The following IQSEC1 variants were observed in gnomAD, a reference collection of about 807,000 sequenced individuals.
IQSEC1 encodes IQ motif and SEC7 domain-containing protein 1.
In IQSEC1, 31 loss-of-function variants were observed where a neutral mutation model predicts 91.0. The ratio of observed to expected loss-of-function variants is 0.34; its 90% confidence interval spans 0.26 to 0.46. The LOEUF is 0.46. Ranked by LOEUF, IQSEC1 falls within the 20% of genes least tolerant of loss-of-function variation. The pLI is 1.00. For synonymous variants in IQSEC1, 699 were observed against 662.6 expected, an observed-to-expected ratio of 1.05 and a Z score of -0.84; for missense variants, 1,388 against 1,575.6, an observed-to-expected ratio of 0.88 and a Z score of 2.02.
At chr3:12,989,783 C>T (rs1345238554) in intron 1 of IQSEC1, among the ~76,000 whole-genome samples, 1 of 152,152 alleles carries the variant, frequency 6.6e-6, no homozygotes, top group Non-Finnish European at 1.5e-5. Flanking sequence ...CTTCCAAACT[C>T]GCAGCCCCCA....
chr3:12,984,264 G>A (rs180811815), intron 1 of IQSEC1, among the ~76,000 whole-genome samples: 2 of 152,182 alleles, frequency 1.3e-5, no homozygotes, highest in Non-Finnish European at 2.9e-5. Flanking sequence ...GGAGGACCAC[G>A]GGGAGATAGG....
intron 2 of IQSEC1, among the ~76,000 whole-genome samples, chr3:13,158,174 G>A (rs1356188917): frequency 6.6e-6 from 1 of 152,196 alleles, no homozygotes; most frequent in Non-Finnish European, 1.5e-5. Context: ...CCTCAGTCCA[G>A]CACCTCCAAA....
chr3:13,243,462 G>C (rs1486195872), intron 1 of IQSEC1, among the ~76,000 whole-genome samples: 1 of 152,234 alleles, frequency 6.6e-6, no homozygotes, highest in Non-Finnish European at 1.5e-5. Context: ...ACTGCAGACA[G>C]ACCCTTCTGG....
intron 1 of IQSEC1, among the ~76,000 whole-genome samples, chr3:12,987,415 C>G (rs554375091): frequency 6.6e-6 from 1 of 152,132 alleles, no homozygotes; most frequent in Non-Finnish European, 1.5e-5. Flanking sequence ...CACCTGGGGC[C>G]GTGCATGTGC....
intron 1 of IQSEC1, among the ~76,000 whole-genome samples, chr3:13,053,863 T>G (rs552847559): frequency 6.6e-6 from 1 of 152,186 alleles, no homozygotes; most frequent in Admixed American, 6.5e-5. Context: ...AAAATAACAG[T>G]GAAACACAAC....
chr3:12,935,088 C>A lies in IQSEC1; in HGVS notation c.1568+360G>T, dbSNP rs1698047558. Reference sequence around the variant, plus strand: ...CAAAGGCCTTTGTGTCCCACATCACCCCTAGGCCTGACATCCAAAGTTGCG... The same window carrying A: ...CAAAGGCCTTTGTGTCCCACATCACACCTAGGCCTGACATCCAAAGTTGCG... On this transcript the variant is annotated intron_variant, in intron 3 of 13. Transcript: ENST00000613206. This position sits in a 1 kb window ranked among gnomAD's most constrained non-coding sequence, Gnocchi z 8.0. 6.6e-6 allele frequency among the ~76,000 whole-genome samples: 1 copy of A among 152,220 alleles called. No homozygotes were observed. Among genetic ancestry groups the A allele is most frequent in the Non-Finnish European group, 1.5e-5 (1 of 68,048 alleles).
At chr3:13,136,137 T>C (rs1352177114) in intron 2 of IQSEC1, among the ~76,000 whole-genome samples, 1 of 152,092 alleles carries the variant, frequency 6.6e-6, no homozygotes, top group Admixed American at 6.5e-5. Context: ...AGACACAGAA[T>C]AGAAACTTGG....
At chr3:12,926,466 G>C (rs2125228361) in intron 3 of IQSEC1, among the ~76,000 whole-genome samples, 1 of 152,380 alleles carries the variant, frequency 6.6e-6, no homozygotes, top group African/African-American at 2.4e-5. Context: ...ATGTCCCCTT[G>C]GACGGAGTCC....
At chr3:13,249,750 G>A (rs1378575976) in intron 1 of IQSEC1, among the ~76,000 whole-genome samples, 2 of 152,170 alleles carry the variant, frequency 1.3e-5, no homozygotes, top group Non-Finnish European at 2.9e-5. Context: ...TGAGATGGAT[G>A]GGCACAAGCA....
At chr3:12,993,350 G>C (rs1442862955) in intron 1 of IQSEC1, among the ~76,000 whole-genome samples, 5 of 152,158 alleles carry the variant, frequency 3.3e-5, no homozygotes, top group East Asian at 1.9e-4. Flanking sequence ...CCCTCCCAAG[G>C]CGCGTCCGTG....
At chr3:13,006,881 G>A (rs1026050881) in intron 1 of IQSEC1, among the ~76,000 whole-genome samples, 39 of 152,360 alleles carry the variant, frequency 2.6e-4, no homozygotes, top group Non-Finnish European at 5.3e-4. Flanking sequence ...CCTGGGGTCT[G>A]TGCTCTGGGC....
intron 2 of IQSEC1, among the ~76,000 whole-genome samples, chr3:13,101,424 A>AAAAAAAAAAAAAAAAAAAAAG: frequency 6.6e-6 from 1 of 151,782 alleles, no homozygotes; most frequent in African/African-American, 2.4e-5. Flanking sequence ...ATCTCCAAAA[A>AAAAAAAAAAAAAAAAAAAAAG]AAAAAAAAAT....
intron 1 of IQSEC1, chr3:13,053,110 T>C: frequency 1.1e-6 from 1 of 896,832 alleles, no homozygotes. Flanking sequence ...CTGAAAGTCT[T>C]GTGAGAAGAC....
At position 12,899,255 on chromosome 3, in the gene IQSEC1, C is replaced by A; in HGVS notation, c.*1728G>T. 1.0e-6 allele frequency: 1 copy of A among 974,100 alleles called. No homozygotes were observed. Among genetic ancestry groups the A allele is most frequent in the South Asian group, 1.6e-5 (1 of 61,946 alleles). 60.3% of individuals were successfully genotyped at this position (974,100 alleles called of 1,614,324 possible). ...AGAGGGGGCTCCCCTCTCCTCCTGCCGTCCGGCCACGGCTCACCACGCTGT... is the reference window on the plus strand; with the variant it reads ...AGAGGGGGCTCCCCTCTCCTCCTGCAGTCCGGCCACGGCTCACCACGCTGT... On this transcript the variant is annotated 3_prime_UTR_variant, in exon 14 of 14. Coordinates refer to ENST00000613206, the MANE Select transcript of IQSEC1 (RefSeq NM_001134382.3).
At chr3:12,927,666 G>A (rs747225634) in intron 3 of IQSEC1, among the ~76,000 whole-genome samples, 31 of 152,254 alleles carry the variant, frequency 2.0e-4, no homozygotes, top group Non-Finnish European at 4.4e-5. Context: ...GGTGCTGTGG[G>A]AAGCGGGCAC....
chr3:13,133,513 C>T (rs1442910172), intron 2 of IQSEC1, among the ~76,000 whole-genome samples: 1 of 152,220 alleles, frequency 6.6e-6, no homozygotes, highest in East Asian at 1.9e-4. Context: ...CATCTCCCTG[C>T]ATTGGTCCTG....
chr3:12,985,212 G>A (rs1324894260), intron 1 of IQSEC1, among the ~76,000 whole-genome samples: 1 of 152,206 alleles, frequency 6.6e-6, no homozygotes, highest in African/African-American at 2.4e-5. Context: ...GCTGGGTGAG[G>A]TATGGCTTGC....
At chr3:13,181,371 T>C (rs1239050248) in intron 1 of IQSEC1, among the ~76,000 whole-genome samples, 1 of 152,210 alleles carries the variant, frequency 6.6e-6, no homozygotes, top group East Asian at 1.9e-4. Context: ...AATAATTCCT[T>C]CTCAGTAATT....
chr3:13,047,351 A>C (rs1448822742), intron 1 of IQSEC1: 1 of 314,600 alleles, frequency 3.2e-6, no homozygotes, highest in Non-Finnish European at 4.6e-6. Flanking sequence ...CCTTGGGGGA[A>C]TTTCAGGGCC....
Sources: gnomAD v4.1 joint callset for allele counts (sites outside exome capture counted in the v4.1 genomes callset) on GRCh38, gnomAD v4.1.1 for gene constraint, Gnocchi (gnomAD v3.1) non-coding constraint, MANE v1.5 for transcripts, NCBI Gene and HGNC (gene_info 2026-07-23, HGNC 2026-07-21) for gene names.